Variants in TTC21A observed in about 807,000 individuals in gnomAD.
The protein encoded by TTC21A is tetratricopeptide repeat protein 21A.
A neutral mutation model predicts 156.4 loss-of-function variants in TTC21A; 128 were observed. The ratio of observed to expected loss-of-function variants is 0.82; its 90% CI spans 0.71 to 0.95. The LOEUF is 0.95. TTC21A is among the 40% of genes least tolerant of loss of function. The pLI, the probability that TTC21A is intolerant of heterozygous loss-of-function variation, is 0.00. For missense variants in TTC21A, 1,435 were observed against 1,602.3 expected, an observed-to-expected ratio of 0.90 and a Z score of 1.78; for synonymous variants, 587 against 617.1, an observed-to-expected ratio of 0.95 and a Z score of 0.72.
Position 39,130,892 on chromosome 3 carries a change from C to A in TTC21A, c.2458+53C>A. On this transcript the variant is annotated intron_variant, in intron 18 of 28. Transcript: ENST00000683103. The surrounding 1 kb of genome is among the most constrained non-coding windows in gnomAD (Gnocchi z 4.5). ...GCATTTGGAGCAGACATACTCCTCC[C>A]CCATTCCCCATTAGCTGAAGTCCTG... is the stretch of plus-strand genomic sequence containing the variant. The A allele has an allele frequency of 1.9e-6, 3 of 1,610,388 alleles. No individual in the cohort carries two copies. In the South Asian group the frequency reaches 3.3e-5, roughly 18 times the overall value.
chr3:39,138,269 C>T lies in TTC21A; in HGVS notation c.3678C>T (p.Ser1226=). 1 of 1,614,074 alleles carries T rather than the reference C, an allele frequency of 6.2e-7. No individual in the cohort carries two copies. Among genetic ancestry groups the T allele is most frequent in the Non-Finnish European group, 8.5e-7 (1 of 1,179,942 alleles). Reference sequence around the variant, plus strand: ...GCTCTAACTGGCTTTCCCTGCAGTCCTGCTACAAGGCCTATGAGTACATGG... The same window carrying T: ...GCTCTAACTGGCTTTCCCTGCAGTCTTGCTACAAGGCCTATGAGTACATGG... ...LLRRCVQYNK[S]CYKAYEYMGF... The change falls in exon 27 of 29, where the codon TCC becomes TCT. Residue 1226 remains serine, a splice_region_variant and synonymous_variant. Coordinates refer to ENST00000683103, the MANE Select transcript of TTC21A (RefSeq NM_001366900.1).
intron 5 of TTC21A, among the ~76,000 whole-genome samples, chr3:39,114,125 T>C (rs1261331235): frequency 6.6e-6 from 1 of 152,212 alleles, no homozygotes; most frequent in Non-Finnish European, 1.5e-5. Flanking sequence ...GCCACAACCT[T>C]GCTATAGAAG....
rs1221941640 is a variant in TTC21A, at chr3:39,130,330, C to G, written c.2291C>G (p.Ala764Gly). 1 of 1,613,558 alleles carries G rather than the reference C, an allele frequency of 6.2e-7. No homozygotes were observed. Among genetic ancestry groups the G allele is most frequent in the South Asian group, 1.1e-5 (1 of 90,938 alleles). Residue 764 changes from alanine (A) to glycine (G), a missense_variant, in exon 17 of 29, where the codon GCT (alanine) becomes GGT (glycine). By Grantham distance (60) the Ala-to-Gly change is moderately conservative. Coordinates refer to ENST00000683103, the MANE Select transcript of TTC21A (RefSeq NM_001366900.1). The surrounding 1 kb of genome is among the most constrained non-coding windows in gnomAD (Gnocchi z 4.5). ...TCCCTGGCCAGCAGAATTGGGCACG[C>G]TTATGTGAAGGCCCACCAGTATACT... is the stretch of plus-strand genomic sequence containing the variant. ...DASLASRIGH[A>G]YVKAHQYTEA... is the part of the protein sequence containing the mutation.
Position 39,136,929 on chromosome 3 carries a change from G to A in TTC21A, c.3126G>A (p.Lys1042=). The A allele has an allele frequency of 6.2e-7, 1 of 1,614,218 alleles. No homozygotes were observed. Among genetic ancestry groups the A allele is most frequent in the Non-Finnish European group, 8.5e-7 (1 of 1,180,044 alleles). ...WHIGQPNEAL[K]FLNKARKDST... ...TAGGGCAGCCCAACGAAGCCTTAAA[G>A]TTCCTGAACAAGGCACGCAAGGACA... is the stretch of plus-strand genomic sequence containing the variant. The change falls in exon 24 of 29, where the codon AAG becomes AAA. Residue 1042 remains lysine (K), a synonymous_variant. Transcript: ENST00000683103.
At chr3:39,136,681 C>T (rs561291009) in intron 23 of TTC21A, 174 bp downstream of exon 23, 3 of 1,008,672 alleles carry the variant, frequency 3.0e-6, no homozygotes, top group South Asian at 3.3e-5. Context: ...TCAGGGAGAG[C>T]CTGCAGCCTC....
rs762163528 is a variant in TTC21A at position 39,107,694 on chromosome 3, C to G, written c.-144C>G. The G allele has an allele frequency of 1.9e-5, 25 of 1,342,910 alleles. No homozygotes were observed. Among genetic ancestry groups the G allele is most frequent in the Non-Finnish European group, 2.6e-5 (25 of 956,656 alleles). The allele number at this position is 1,342,910 out of a possible 1,614,324, so 83.2% of individuals were successfully genotyped here. On this transcript the variant is annotated 5_prime_UTR_variant, in exon 1 of 29. Transcript: ENST00000683103. The stretch of plus-strand genomic sequence containing the variant: ...CCTCCCACTCCAGACACTGGACGCT[C>G]CTAGCAACCGGCTAGCAGCTCGGTT...
In TTC21A at chr3:39,126,520, A is replaced by ACACT. The variant is rs1491529137; in HGVS notation, c.1522+131_1522+132insACTC. On this transcript the variant is annotated intron_variant, in intron 12 of 28. Coordinates refer to ENST00000683103, the MANE Select transcript of TTC21A (RefSeq NM_001366900.1). ...CACACACACACACACACACACACACACTCTCCTTGCCTGGGGTACTACGCA... is the reference window on the plus strand; with the variant it reads ...CACACACACACACACACACACACACACACTCTCTCCTTGCCTGGGGTACTACGCA... 39 of 821,786 alleles carry ACACT rather than the reference A, an allele frequency of 4.7e-5. No homozygotes were observed. The African/African-American group carries it at 6.1e-4, about 13-fold the overall frequency. 50.9% of individuals were successfully genotyped at this position (821,786 alleles called of 1,614,324 possible). A position where few individuals can be genotyped will look rare whatever the true frequency, so the allele number is the denominator to read the frequency against.
At chr3:39,118,539 C>A in intron 7 of TTC21A, 1 of 223,796 alleles carries the variant, frequency 4.5e-6, no homozygotes, top group East Asian at 9.3e-5. Flanking sequence ...GTAATTCCAT[C>A]AATGTTAACT....
rs768289167 is a variant in TTC21A, at chr3:39,130,275, G to A, written c.2236G>A (p.Glu746Lys). ...EPEKALEVYD[E>K]AYRQNPHDAS... is the part of the protein sequence containing the mutation. ...CGAGAAGGCCCTGGAGGTCTATGATGAGGCCTATAGACAGAACCCACATGA... is the reference window on the plus strand; with the variant it reads ...CGAGAAGGCCCTGGAGGTCTATGATAAGGCCTATAGACAGAACCCACATGA... Residue 746 changes from glutamate (E) to lysine (K), a missense_variant, in exon 17 of 29, where the codon GAG becomes AAG. By Grantham distance (56) the Glu-to-Lys change is moderately conservative. Coordinates refer to ENST00000683103, the MANE Select transcript of TTC21A (RefSeq NM_001366900.1). The surrounding 1 kb of genome is among the most constrained non-coding windows in gnomAD (Gnocchi z 4.5). 2 of 1,613,920 alleles carry A rather than the reference G, an allele frequency of 1.2e-6. No homozygotes were observed. The highest frequency in any genetic ancestry group is 1.7e-5 in the Admixed American group (1 of 59,990).
chr3:39,135,769 A>G (rs79216924), intron 22 of TTC21A, among the ~76,000 whole-genome samples: 5,200 of 152,198 alleles, frequency 0.034, 183 homozygotes, highest in East Asian at 0.16. Flanking sequence ...AAGAGTACCT[A>G]CCTAGGCCGG....
At chr3:39,136,821 C>A in intron 23 of TTC21A, 78 bp from the exon 24 acceptor site, 1 of 1,543,856 alleles carries the variant, frequency 6.5e-7, no homozygotes, top group Non-Finnish European at 8.8e-7. Context: ...TGCAGACTCA[C>A]AAAGTGGTCC....
chr3:39,116,308 C>A (rs1019785482), intron 6 of TTC21A, among the ~76,000 whole-genome samples: 3 of 152,110 alleles, frequency 2.0e-5, no homozygotes, highest in Admixed American at 6.5e-5. Flanking sequence ...TATATTTTTT[C>A]TTTCTTATTT....
At chr3:39,108,333 CT>C (rs1462780083) in intron 1 of TTC21A, 1 of 164,606 alleles carries the variant, frequency 6.1e-6, no homozygotes, top group Non-Finnish European at 1.3e-5. Context: ...TCTCTCCCCC[CT>C]GAGAGCCTGC....
At chr3:39,122,539 G>A (rs1340546865) in intron 9 of TTC21A, among the ~76,000 whole-genome samples, 3 of 152,158 alleles carry the variant, frequency 2.0e-5, no homozygotes, top group African/African-American at 7.2e-5. Context: ...AAAAAGACGA[G>A]CTCAGGGTCA....
At chr3:39,121,951 G>C (rs1224113391) in intron 9 of TTC21A, among the ~76,000 whole-genome samples, 1 of 152,184 alleles carries the variant, frequency 6.6e-6, no homozygotes, top group Non-Finnish European at 1.5e-5. Flanking sequence ...ATGTCAGGCT[G>C]ACCCCCTCAA....
chr3:39,126,339 C>T lies in TTC21A; in HGVS notation c.1471C>T (p.Pro491Ser). The T allele has an allele frequency of 3.1e-6, 5 of 1,614,108 alleles. No individual in the cohort carries two copies. Among genetic ancestry groups the T allele is most frequent in the South Asian group, 1.1e-5 (1 of 91,080 alleles). ...VILNPVVKAAPALIDPLYLMA... is the reference protein window; with the variant it reads ...VILNPVVKAASALIDPLYLMA... ...CTTGAATCCTGTAGTCAAAGCAGCA[C>T]CAGCTCTGATCGACCCCCTGTATTT... Residue 491 changes from proline to serine, a missense_variant, in exon 12 of 29, where the codon CCA becomes TCA. By Grantham distance (74) the Pro-to-Ser change is moderately conservative. Transcript: ENST00000683103.
rs2039127599 is a variant in TTC21A at position 39,136,529 on chromosome 3, G to A, written c.3095+22G>A. The A allele has an allele frequency of 1.9e-6, 3 of 1,611,888 alleles. No homozygotes were observed. The African/African-American group carries it at 4.0e-5, about 22-fold the overall frequency. ...GCTGGTGAGTTGGGTGTGGTGTGTT[G>A]AGGGGCAGCTGTGTGCAGGAAGCCC... On this transcript the variant is annotated intron_variant, in intron 23 of 28. Coordinates refer to ENST00000683103, the MANE Select transcript of TTC21A (RefSeq NM_001366900.1).
At position 39,130,523 on chromosome 3, in the gene TTC21A, G is replaced by A. The variant is rs2125843587; in HGVS notation, c.2319+165G>A. The A allele has an allele frequency of 1.0e-6, 1 of 980,562 alleles. No individual in the cohort carries two copies. The highest frequency in any genetic ancestry group is 1.6e-5 in the South Asian group (1 of 63,958). 60.7% of individuals were successfully genotyped at this position (980,562 alleles called of 1,614,324 possible). A position where few individuals can be genotyped will look rare whatever the true frequency, so the allele number is the denominator to read the frequency against. On this transcript the variant is annotated intron_variant, in intron 17 of 28. Transcript: ENST00000683103. This position sits in a 1 kb window ranked among gnomAD's most constrained non-coding sequence, Gnocchi z 4.5. ...GGGGAGAACTCAGCAACTCTCTGCT[G>A]CTGACCACACCTGCTTAAGCTGAGG...
At chr3:39,132,452 G>A (rs553773580) in intron 19 of TTC21A, among the ~76,000 whole-genome samples, 82 of 152,282 alleles carry the variant, frequency 5.4e-4, no homozygotes, top group African/African-American at 1.9e-3. Context: ...TATGCTCTGT[G>A]CTTCTAGAGG....
Sources: allele counts gnomAD v4.1 joint callset (sites outside exome capture counted in the v4.1 genomes callset), GRCh38; gene constraint gnomAD v4.1.1; non-coding constraint Gnocchi (gnomAD v3.1); transcripts MANE v1.5; gene names NCBI Gene and HGNC (gene_info 2026-07-23, HGNC 2026-07-21).